The following PDIA5 variants were observed in gnomAD, a reference collection of about 807,000 sequenced individuals.
PDIA5 encodes the protein protein disulfide isomerase family A member 5.
PDIA5 carries 58 observed loss-of-function variants against 77.6 expected under a neutral mutation model. The observed-to-expected ratio is 0.75, with a 90% CI of 0.61 to 0.93. PDIA5 has a LOEUF of 0.93. Ranked by LOEUF, PDIA5 falls within the 40% of genes least tolerant of loss-of-function variation. PDIA5 has a pLI of 0.00. For missense variants in PDIA5, 630 were observed against 647.7 expected, an observed-to-expected ratio of 0.97 and a Z score of 0.30; for synonymous variants, 250 against 252.1, an observed-to-expected ratio of 0.99 and a Z score of 0.08.
chr3:123,102,495 G>GTAAGTACACA lies in PDIA5; in HGVS notation c.341+3_341+12dup. ...AAAAGGTTGAATTATTCCATTACCA[G>GTAAGTACACA]TAAGTACACATGGGCATTTCCAATT... On this transcript the variant is annotated splice_donor_variant, in intron 4 of 16. Coordinates refer to ENST00000316218, the MANE Select transcript of PDIA5 (RefSeq NM_006810.4). LOFTEE classifies it high-confidence loss of function. 6.2e-7 allele frequency: 1 copy of GTAAGTACACA among 1,609,368 alleles called. No individual in the cohort carries two copies.
chr3:123,099,401 T>C (rs1934525755), intron 3 of PDIA5, among the ~76,000 whole-genome samples: 1 of 152,208 alleles, frequency 6.6e-6, no homozygotes, highest in African/African-American at 2.4e-5. Context: ...CTGGAGCCAG[T>C]GGCCCTTTGG....
intron 14 of PDIA5, among the ~76,000 whole-genome samples, chr3:123,151,447 C>T (rs1039297683): frequency 6.6e-6 from 1 of 152,250 alleles, no homozygotes; most frequent in Non-Finnish European, 1.5e-5. Context: ...CTCTATGTCA[C>T]AGGCACAGTC....
At chr3:123,145,039 G>C (rs1935731769) in intron 11 of PDIA5, 1 of 154,272 alleles carries the variant, frequency 6.5e-6, no homozygotes, top group South Asian at 2.0e-4. Context: ...ACTGCCTTCT[G>C]TCCAGAGAAG....
intron 11 of PDIA5, among the ~76,000 whole-genome samples, chr3:123,133,535 T>A (rs1195637041): frequency 6.6e-6 from 1 of 152,210 alleles, no homozygotes; most frequent in African/African-American, 2.4e-5. Flanking sequence ...ACAAAATGAG[T>A]TGCTGTTTTC....
At chr3:123,129,191 G>A (rs1250932228) in intron 10 of PDIA5, among the ~76,000 whole-genome samples, 1 of 152,266 alleles carries the variant, frequency 6.6e-6, no homozygotes, top group East Asian at 1.9e-4. Context: ...CCCAAGTATA[G>A]GAACCTAGAT....
intron 16 of PDIA5, 126 bp from the exon 17 acceptor site, chr3:123,161,754 G>T: frequency 1.4e-6 from 1 of 737,646 alleles, no homozygotes; most frequent in South Asian, 1.6e-5. Flanking sequence ...CCTTGCAGAA[G>T]TCTGCCCACC....
intron 15 of PDIA5, among the ~76,000 whole-genome samples, chr3:123,155,250 A>G (rs771392751): frequency 1.2e-4 from 19 of 152,228 alleles, no homozygotes; most frequent in Non-Finnish European, 1.8e-4. Flanking sequence ...ATGCTGAACC[A>G]TTCCAGCACT....
In PDIA5 at chr3:123,069,915, C is replaced by T. The variant is rs574714305; in HGVS notation, c.42+2709C>T. ...GACCAGCCTGGCCAACATGGTGAAACCCCGTCTCTACTAAAAATACAAAAA... is the reference window on the plus strand; with the variant it reads ...GACCAGCCTGGCCAACATGGTGAAATCCCGTCTCTACTAAAAATACAAAAA... On this transcript the variant is annotated intron_variant, in intron 1 of 16. Coordinates refer to ENST00000316218, the MANE Select transcript of PDIA5 (RefSeq NM_006810.4). 2.0e-5 allele frequency among the ~76,000 whole-genome samples: 3 copies of T among 151,986 alleles called. No homozygotes were observed. The South Asian group carries it at 6.2e-4, about 32-fold the overall frequency.
chr3:123,072,462 G>A (rs1933746708), intron 1 of PDIA5, among the ~76,000 whole-genome samples: 1 of 152,178 alleles, frequency 6.6e-6, no homozygotes, highest in Non-Finnish European at 1.5e-5. Context: ...GGAGGAGGTG[G>A]GCAAGGAAGG....
rs201200189 is a variant in PDIA5 at position 123,152,123 on chromosome 3, T to G, written c.1273+1759T>G. 0.018 allele frequency among the ~76,000 whole-genome samples: 1,610 copies of G among 91,450 alleles called. 132 individuals are homozygous for G. In the East Asian group the frequency reaches 0.22, roughly 13 times the overall value. 60.0% of individuals were successfully genotyped at this position (91,450 alleles called of 152,430 possible). ...TGCCTTCCTTCCTTCCTTCCTTCCT[T>G]CCTGCCTTCCTTCCTGCCTGCCTTC... On this transcript the variant is annotated intron_variant, in intron 14 of 16. Transcript: ENST00000316218.
intron 11 of PDIA5, among the ~76,000 whole-genome samples, chr3:123,132,431 A>G (rs531921084): frequency 1.3e-5 from 2 of 152,380 alleles, no homozygotes; most frequent in South Asian, 4.1e-4. Flanking sequence ...GAATAGCTCT[A>G]AAGGAATAGT....
chr3:123,081,897 T>G (rs1934020148), intron 1 of PDIA5, among the ~76,000 whole-genome samples: 1 of 152,204 alleles, frequency 6.6e-6, no homozygotes, highest in Non-Finnish European at 1.5e-5. Flanking sequence ...GACTCTTATC[T>G]CTTTAGTCTG....
At chr3:123,146,467 C>T (rs557988207) in intron 13 of PDIA5, among the ~76,000 whole-genome samples, 12 of 152,318 alleles carry the variant, frequency 7.9e-5, no homozygotes, top group South Asian at 2.1e-4. Context: ...TCCTTCTGGA[C>T]GCAGCTTCAT....
chr3:123,129,970 G>T (rs1014827565), intron 10 of PDIA5, among the ~76,000 whole-genome samples: 3 of 152,132 alleles, frequency 2.0e-5, no homozygotes, highest in South Asian at 2.1e-4. Context: ...CCCTTGCATG[G>T]CCTAGATCTG....
intron 11 of PDIA5, among the ~76,000 whole-genome samples, chr3:123,132,564 G>A (rs1243107492): frequency 6.6e-6 from 1 of 152,226 alleles, no homozygotes; most frequent in African/African-American, 2.4e-5. Flanking sequence ...GTCTGCCTCA[G>A]GTCTGCTAGG....
chr3:123,105,156 G>A (rs982081606), intron 5 of PDIA5, among the ~76,000 whole-genome samples: 2 of 152,224 alleles, frequency 1.3e-5, no homozygotes, highest in Non-Finnish European at 2.9e-5. Flanking sequence ...TTGTTCTGGA[G>A]TCCTGATCCC....
chr3:123,145,550 G>C lies in PDIA5; in HGVS notation c.939G>C (p.Pro313=). 6.2e-7 allele frequency: 1 copy of C among 1,613,992 alleles called. No individual in the cohort carries two copies. Among genetic ancestry groups the C allele is most frequent in the Non-Finnish European group, 8.5e-7 (1 of 1,179,874 alleles). ...PWCGHCKKMK[P]EFEKAAEALH... ...GTGGCCACTGTAAGAAAATGAAGCC[G>C]GAGTTTGAGAAGGCAGCAGAAGCCC... is the stretch of plus-strand genomic sequence containing the variant. Residue 313 remains proline (P), a synonymous_variant, in exon 12 of 17, where the codon CCG becomes CCC. Coordinates refer to ENST00000316218, the MANE Select transcript of PDIA5 (RefSeq NM_006810.4).
intron 11 of PDIA5, among the ~76,000 whole-genome samples, chr3:123,135,128 G>A (rs1021618734): frequency 1.3e-5 from 2 of 152,312 alleles, no homozygotes; most frequent in East Asian, 1.9e-4. Context: ...TTTCTGCGGC[G>A]TTCCATATGA....
chr3:123,092,626 CCT>C (rs1934327880), intron 3 of PDIA5, among the ~76,000 whole-genome samples, 184 bp downstream of exon 3: 1 of 152,142 alleles, frequency 6.6e-6, no homozygotes, highest in African/African-American at 2.4e-5. Flanking sequence ...GCTTTCCACC[CCT>C]TTCTTCCCAG....
Sources: allele counts gnomAD v4.1 joint callset (sites outside exome capture counted in the v4.1 genomes callset), GRCh38; gene constraint gnomAD v4.1.1; transcripts MANE v1.5; gene names NCBI Gene and HGNC (gene_info 2026-07-23, HGNC 2026-07-21).